The following CSMD1 variants were observed in gnomAD, a reference collection of about 807,000 sequenced individuals.
CSMD1 encodes the protein CUB and sushi domain-containing protein 1.
In CSMD1, 213 loss-of-function variants were observed where a neutral mutation model predicts 417.5. The ratio of observed to expected loss-of-function variants is 0.51; its 90% CI spans 0.46 to 0.57. The LOEUF (loss-of-function observed/expected upper bound fraction) is 0.57. Ranked by LOEUF, CSMD1 falls within the 20% of genes least tolerant of loss-of-function variation. The pLI is 0.00. For missense variants in CSMD1, 6,923 were observed against 4,529.7 expected (o/e 1.53, Z -15.17); for synonymous variants, 2,862 against 1,736.8 (o/e 1.65, Z -16.11).
chr8:4,026,869 G>C (rs942960218), intron 4 of CSMD1, among the ~76,000 whole-genome samples: 1 of 152,146 alleles, frequency 6.6e-6, no homozygotes, highest in Admixed American at 6.5e-5. Flanking sequence ...GCAAAAGTTT[G>C]GAATTTGGCA....
intron 3 of CSMD1, among the ~76,000 whole-genome samples, chr8:4,362,459 G>C (rs1023724125): frequency 6.6e-6 from 1 of 152,170 alleles, no homozygotes; most frequent in Non-Finnish European, 1.5e-5. Context: ...AAGGTCCCTT[G>C]CTGATAAGAT....
At chr8:3,302,875 G>T (rs1387610204) in intron 25 of CSMD1, among the ~76,000 whole-genome samples, 1 of 152,144 alleles carries the variant, frequency 6.6e-6, no homozygotes, top group African/African-American at 2.4e-5. Context: ...ATATGAGTCA[G>T]AACTTTGCAA....
At chr8:4,353,205 G>A (rs1277506851) in intron 3 of CSMD1, among the ~76,000 whole-genome samples, 1 of 152,108 alleles carries the variant, frequency 6.6e-6, no homozygotes, top group Admixed American at 6.5e-5. Flanking sequence ...GGAGCCAGGT[G>A]GAGACAAGTG....
At chr8:4,509,371 T>G (rs1245299109) in intron 2 of CSMD1, among the ~76,000 whole-genome samples, 1 of 152,178 alleles carries the variant, frequency 6.6e-6, no homozygotes, top group Admixed American at 6.5e-5. Context: ...TGGTATTTGG[T>G]CTGGAACCAT....
chr8:3,712,187 C>A lies in CSMD1; in HGVS notation c.932-3696G>T, dbSNP rs559037512. On this transcript the variant is annotated intron_variant, in intron 6 of 69. Transcript: ENST00000635120. ...TACGTTCTCTTATTGGACAGCTCTG[C>A]TAATCTTGGCAACGTTGTACAAAAA... Among the ~76,000 whole-genome samples, 10 of 152,128 alleles carry A rather than the reference C, an allele frequency of 6.6e-5. No homozygotes were observed. In the East Asian group the frequency reaches 1.9e-3, roughly 29 times the overall value.
intron 1 of CSMD1, among the ~76,000 whole-genome samples, chr8:4,909,619 G>T (rs561201965): frequency 2.0e-5 from 3 of 152,084 alleles, no homozygotes; most frequent in Non-Finnish European, 4.4e-5. Context: ...GCACTTCATG[G>T]GGTTCCTAGA....
chr8:4,905,785 A>T (rs185522104), intron 1 of CSMD1, among the ~76,000 whole-genome samples: 3 of 142,006 alleles, frequency 2.1e-5, no homozygotes, highest in Admixed American at 8.0e-5. Context: ...GTGCCACTGC[A>T]CTCCAGCCTG....
chr8:4,646,504 A>T (rs767409039), intron 1 of CSMD1, among the ~76,000 whole-genome samples: 14 of 152,186 alleles, frequency 9.2e-5, no homozygotes, highest in Middle Eastern at 3.2e-3. Context: ...TAATTGGGAT[A>T]CTATAGGATG....
chr8:4,777,005 T>TG (rs1212350875), intron 1 of CSMD1, among the ~76,000 whole-genome samples: 1 of 152,208 alleles, frequency 6.6e-6, no homozygotes, highest in Non-Finnish European at 1.5e-5. Flanking sequence ...GTAAAACAGG[T>TG]GACTGATTTC....
intron 1 of CSMD1, among the ~76,000 whole-genome samples, chr8:4,823,013 T>C (rs1799606807): frequency 6.6e-6 from 1 of 152,164 alleles, no homozygotes; most frequent in East Asian, 1.9e-4. Context: ...ATTTCACAAT[T>C]TGCAGTTCTC....
chr8:4,735,382 A>T (rs1311908732), intron 1 of CSMD1, among the ~76,000 whole-genome samples: 1 of 152,138 alleles, frequency 6.6e-6, no homozygotes, highest in Non-Finnish European at 1.5e-5. Context: ...TCTTTCTCTC[A>T]TCAATTTATC....
chr8:3,257,620 G>A lies in CSMD1; in HGVS notation c.4153+26524C>T, dbSNP rs561425557. Among the ~76,000 whole-genome samples, 257 of 152,256 alleles carry A rather than the reference G, an allele frequency of 1.7e-3. 1 individual carries two copies. Among genetic ancestry groups the A allele is most frequent in the Non-Finnish European group, 2.8e-3 (188 of 68,020 alleles). ...CCTGAGATGATGACACATATTTTAA[G>A]ATAGAGACAGAATCAGCCTTGCGGG... On this transcript the variant is annotated intron_variant, in intron 26 of 69. Coordinates refer to ENST00000635120, the MANE Select transcript of CSMD1 (RefSeq NM_033225.6).
At chr8:3,923,282 C>T (rs1331413833) in intron 5 of CSMD1, among the ~76,000 whole-genome samples, 2 of 152,144 alleles carry the variant, frequency 1.3e-5, no homozygotes, top group African/African-American at 2.4e-5. Context: ...CTCTGGAGCC[C>T]AGGCTGTCCC....
chr8:4,940,541 A>G (rs1370276923), intron 1 of CSMD1, among the ~76,000 whole-genome samples: 1 of 152,206 alleles, frequency 6.6e-6, no homozygotes, highest in African/African-American at 2.4e-5. Context: ...CAAACTGAAA[A>G]TTCATCCACA....
chr8:3,657,451 C>G (rs539891089), intron 7 of CSMD1, among the ~76,000 whole-genome samples: 2 of 152,160 alleles, frequency 1.3e-5, no homozygotes, highest in Admixed American at 1.3e-4. Context: ...AACCCAAATG[C>G]CCATCAATGA....
At chr8:3,911,224 C>T (rs998204535) in intron 5 of CSMD1, among the ~76,000 whole-genome samples, 2 of 152,170 alleles carry the variant, frequency 1.3e-5, no homozygotes, top group East Asian at 3.9e-4. Context: ...CTCTTGAATG[C>T]TCATTCCAAA....
At chr8:4,533,551 A>AT (rs200825025) in intron 2 of CSMD1, among the ~76,000 whole-genome samples, 273 of 151,632 alleles carry the variant, frequency 1.8e-3, no homozygotes, top group African/African-American at 6.3e-3. Context: ...ATTCTTGGGA[A>AT]TTTTTTTTTC....
intron 6 of CSMD1, among the ~76,000 whole-genome samples, chr8:3,710,187 C>T (rs1024865999): frequency 1.3e-4 from 20 of 151,656 alleles, no homozygotes; most frequent in African/African-American, 4.9e-4. Flanking sequence ...TTTTAATTGT[C>T]GCAAATTTCC....
At chr8:3,689,437 T>G (rs1266028654) in intron 7 of CSMD1, among the ~76,000 whole-genome samples, 3 of 152,346 alleles carry the variant, frequency 2.0e-5, no homozygotes, top group African/African-American at 7.2e-5. Context: ...GCGGGATAGT[T>G]AGAAGTAATT....
Sources: gnomAD v4.1 joint callset for allele counts (sites outside exome capture counted in the v4.1 genomes callset) on GRCh38, gnomAD v4.1.1 for gene constraint, MANE v1.5 for transcripts, NCBI Gene and HGNC (gene_info 2026-07-23, HGNC 2026-07-21) for gene names.